TEKT4: variants seen among roughly 807,000 people sequenced by gnomAD.
The protein encoded by TEKT4 is tektin-4.
A neutral mutation model predicts 46.0 loss-of-function variants in TEKT4; 46 were observed. The ratio of observed to expected loss-of-function variants is 1.00; its 90% CI spans 0.79 to 1.28. The LOEUF is 1.28. TEKT4 is among the 50% of genes most tolerant of loss of function. The pLI is 0.00. For missense variants in TEKT4, 790 were observed against 622.9 expected, an observed-to-expected ratio of 1.27 and a Z score of -2.85; for synonymous variants, 325 against 265.8, an observed-to-expected ratio of 1.22 and a Z score of -2.17.
chr2:94,872,305 C>T (rs1224503472), intron 1 of TEKT4: 3 of 605,394 alleles, frequency 5.0e-6, no homozygotes, highest in East Asian at 5.6e-5. Context: ...TCCTCTAATC[C>T]CTTTGAGTCC....
At chr2:94,875,194 T>C (rs1435432950) in intron 4 of TEKT4, among the ~76,000 whole-genome samples, 196 bp downstream of exon 4, 1 of 152,106 alleles carries the variant, frequency 6.6e-6, no homozygotes, top group Non-Finnish European at 1.5e-5. Context: ...GGAGGAGCTG[T>C]GGGGAGGATG....
Position 94,876,751 on chromosome 2 carries a change from G to C in TEKT4, c.1290G>C (p.Gln430His). The change falls in exon 6 of 6, where the codon CAG (glutamine) becomes CAC (histidine). Residue 430 changes from glutamine (Q) to histidine (H), a missense_variant. Coordinates refer to ENST00000295201, the MANE Select transcript of TEKT4 (RefSeq NM_144705.4). ...GTACTCGCTACCCCACCATCCTGCA[G>C]CTGGCTGGCTACCAGTGAGCAGCGG... ...AHRTRYPTIL[Q>H]LAGYQ is the part of the protein sequence containing the mutation. 1 of 1,607,816 alleles carries C rather than the reference G, an allele frequency of 6.2e-7. No individual in the cohort carries two copies. The highest frequency in any genetic ancestry group is 2.2e-5 in the East Asian group (1 of 44,872).
chr2:94,876,677 G>A lies in TEKT4; in HGVS notation c.1216G>A (p.Ala406Thr), dbSNP rs782309098. The A allele has an allele frequency of 1.5e-5, 25 of 1,613,168 alleles. No individual in the cohort carries two copies. In the East Asian group the frequency reaches 1.8e-4, roughly 12 times the overall value. ...CATGAGCCTGGAGAAGGACATTGCC[G>A]CCATGACCAACAGTCTCTTCATCGA... The part of the protein sequence containing the change: ...IHMSLEKDIA[A>T]MTNSLFIDRQ... Residue 406 changes from alanine to threonine, a missense_variant, in exon 6 of 6, where the codon GCC becomes ACC. Ala to Thr is a moderately conservative substitution (Grantham distance 58, BLOSUM62 0). Coordinates refer to ENST00000295201, the MANE Select transcript of TEKT4 (RefSeq NM_144705.4).
Position 94,874,119 on chromosome 2 carries a change from G to C in TEKT4, c.713+11G>C, listed in dbSNP as rs782336533. ...CACCTTCCAAGAGAGGTGGGCCCCA[G>C]CTCTGCCCCTGCACTTGCCCTGGCT... On this transcript the variant is annotated intron_variant, in intron 3 of 5. Transcript: ENST00000295201. 3 of 1,612,552 alleles carry C rather than the reference G, an allele frequency of 1.9e-6. No individual in the cohort carries two copies. The African/African-American group carries it at 4.0e-5, about 22-fold the overall frequency.
intron 4 of TEKT4, among the ~76,000 whole-genome samples, 177 bp downstream of exon 4, chr2:94,875,175 G>A (rs1362444731): frequency 3.9e-5 from 6 of 152,218 alleles, no homozygotes; most frequent in African/African-American, 1.4e-4. Context: ...CCACCCCTAT[G>A]ACTCAGCAGG....
In TEKT4 at chr2:94,876,768, G is replaced by T. The variant is rs200538614; in HGVS notation, c.1307G>T (p.Ter436LeuextTer?). Residue 436 changes from the stop codon to leucine (L), a stop_lost, in exon 6 of 6, where the codon TGA (stop) becomes TTA (leucine). Transcript: ENST00000295201. Reference sequence around the variant, plus strand: ...ATCCTGCAGCTGGCTGGCTACCAGTGAGCAGCGGCACGGTGCTTCCCCCCA... The same window carrying T: ...ATCCTGCAGCTGGCTGGCTACCAGTTAGCAGCGGCACGGTGCTTCCCCCCA... ...PTILQLAGYQ[*>L] The T allele has an allele frequency of 1.2e-6, 2 of 1,604,888 alleles. No homozygotes were observed.
Position 94,875,885 on chromosome 2 carries a change from C to G in TEKT4, c.1091+143C>G, listed in dbSNP as rs144884480. On this transcript the variant is annotated intron_variant, in intron 5 of 5. Coordinates refer to ENST00000295201, the MANE Select transcript of TEKT4 (RefSeq NM_144705.4). ...AGGGAGACTTTGGGGCCACACACAA[C>G]AAGCAGGCATGCCTTAAACACACAG... is the stretch of plus-strand genomic sequence containing the variant. 3.9e-4 allele frequency: 322 copies of G among 825,814 alleles called. 2 individuals carry two copies. In the African/African-American group the frequency reaches 5.0e-3, roughly 13 times the overall value. 51.2% of individuals were successfully genotyped at this position (825,814 alleles called of 1,614,324 possible).
At chr2:94,874,295 AGCCTGGCT>A (rs1168247606) in intron 3 of TEKT4, among the ~76,000 whole-genome samples, 187 bp downstream of exon 3, 1 of 152,156 alleles carries the variant, frequency 6.6e-6, no homozygotes, top group Non-Finnish European at 1.5e-5. Context: ...GCGCGTGCAC[AGCCTGGCT>A]GCCGGCAGAC....
At chr2:94,873,007 C>T in intron 1 of TEKT4, 3 of 1,289,366 alleles carry the variant, frequency 2.3e-6, no homozygotes, top group Non-Finnish European at 3.0e-6. Flanking sequence ...GGCAAAGACC[C>T]CAATCACAGA....
chr2:94,872,699 C>A (rs113502626), intron 1 of TEKT4: 2 of 666,050 alleles, frequency 3.0e-6, no homozygotes, highest in Non-Finnish European at 4.5e-6. Flanking sequence ...TGTAGACATT[C>A]GTGAAAGATG....
chr2:94,875,656 GGCACCTCTGCACGTAGCCCA>G lies in TEKT4; in HGVS notation c.1007_1026del (p.Ala336AspfsTer17). ...TGAAGCAGGCCATCAAGGACAAAGA[GGCACCTCTGCACGTAGCCCA>G]GACCCGGCTGTACCTGCGCTCGCAC... On this transcript the variant is annotated frameshift_variant, in exon 5 of 6. Transcript: ENST00000295201. LOFTEE classifies it high-confidence loss of function. The G allele has an allele frequency of 6.2e-7, 1 of 1,614,170 alleles. No homozygotes were observed. Among genetic ancestry groups the G allele is most frequent in the Non-Finnish European group, 8.5e-7 (1 of 1,180,004 alleles).
At chr2:94,876,182 C>T (rs116328307) in intron 5 of TEKT4, among the ~76,000 whole-genome samples, 2 of 152,334 alleles carry the variant, frequency 1.3e-5, no homozygotes, top group East Asian at 3.9e-4. Flanking sequence ...CCCTTGATAA[C>T]GGATGCCCGG....
chr2:94,872,363 ACCTCCCCAGAGAC>A (rs1426834525), intron 1 of TEKT4: 1 of 530,300 alleles, frequency 1.9e-6, no homozygotes, highest in Non-Finnish European at 3.3e-6. Context: ...GCCACAAGGC[ACCTCCCCAGAGAC>A]CCTCCCTCGC....
intron 1 of TEKT4, chr2:94,872,872 T>A (rs112958776): frequency 1.6e-6 from 2 of 1,288,870 alleles, no homozygotes; most frequent in Middle Eastern, 2.1e-4. Context: ...TCCCGCAAAC[T>A]CTCTGCCCGC....
At chr2:94,872,619 C>T (rs1314053691) in intron 1 of TEKT4, 2 of 361,432 alleles carry the variant, frequency 5.5e-6, no homozygotes, top group African/African-American at 2.1e-5. Flanking sequence ...CAGTCCTGGC[C>T]CAGATGCTGG....
intron 3 of TEKT4, 152 bp downstream of exon 3, chr2:94,874,260 C>A: frequency 1.3e-6 from 1 of 786,486 alleles, no homozygotes; most frequent in Non-Finnish European, 2.0e-6. Flanking sequence ...CATGAGCAAG[C>A]GACCAAGACC....
At chr2:94,872,414 C>G in intron 1 of TEKT4, 1 of 434,190 alleles carries the variant, frequency 2.3e-6, no homozygotes, top group Non-Finnish European at 4.2e-6. Context: ...AGGTGGAAAC[C>G]CAGGTCTGGG....
In TEKT4 at chr2:94,871,765, G is replaced by A. The variant is rs111349391; in HGVS notation, c.186G>A (p.Ser62=). 68 of 1,612,460 alleles carry A rather than the reference G, an allele frequency of 4.2e-5. No homozygotes were observed. Among genetic ancestry groups the A allele is most frequent in the Admixed American group, 4.0e-4 (24 of 60,010 alleles). ...AGGCCTTCGCCGACCGCGACCAGTC[G>A]GAGCGGCAGCGGCACGAGAGCCAGC... ...YHQAFADRDQ[S]ERQRHESQQL... is the part of the protein sequence containing the mutation. The change falls in exon 1 of 6, where the codon TCG becomes TCA. Residue 62 remains serine, a synonymous_variant. Coordinates refer to ENST00000295201, the MANE Select transcript of TEKT4 (RefSeq NM_144705.4).
intron 1 of TEKT4, 130 bp downstream of exon 1, chr2:94,872,207 CCT>C (rs138557262): frequency 0.089 from 111,222 of 1,243,434 alleles, 5,818 homozygotes; most frequent in Non-Finnish European, 0.1. Flanking sequence ...ACGTGAGACC[CCT>C]GAGTCCCGAA....
Sources: allele counts gnomAD v4.1 joint callset (sites outside exome capture counted in the v4.1 genomes callset), GRCh38; gene constraint gnomAD v4.1.1; transcripts MANE v1.5; gene names NCBI Gene and HGNC (gene_info 2026-07-23, HGNC 2026-07-21).